Variants in CMTM3 observed in about 807,000 individuals in gnomAD.
CMTM3 encodes CKLF like MARVEL transmembrane domain containing 3.
In CMTM3, 7 loss-of-function variants were observed where a neutral mutation model predicts 18.2. That is an observed-to-expected ratio of 0.38 (90% CI 0.22 to 0.72). CMTM3 has a LOEUF of 0.72. Ranked by LOEUF, CMTM3 falls within the 30% of genes least tolerant of loss-of-function variation. The pLI is 0.46. For synonymous variants in CMTM3, 109 were observed against 111.2 expected (o/e 0.98, Z 0.12); for missense variants, 227 against 249.2 (o/e 0.91, Z 0.60).
intron 4 of CMTM3, among the ~76,000 whole-genome samples, chr16:66,611,490 C>T (rs764652048): frequency 1.3e-5 from 2 of 152,062 alleles, no homozygotes; most frequent in African/African-American, 2.4e-5. Flanking sequence ...CAAAATCTGA[C>T]GAGTGCAGCC....
rs762408436 is a variant in CMTM3, at chr16:66,608,288, C to T, written c.148-21C>T. On this transcript the variant is annotated intron_variant, in intron 1 of 4. Transcript: ENST00000567572. This position sits in a 1 kb window ranked among gnomAD's most constrained non-coding sequence, Gnocchi z 5.1. The stretch of plus-strand genomic sequence containing the variant: ...GGAACATGAAAAGGCTCTGACTTCA[C>T]CTCAAACTCCTTCCCCGCAGGGTCT... The T allele has an allele frequency of 2.4e-5, 38 of 1,613,520 alleles. No individual in the cohort carries two copies. Among genetic ancestry groups the T allele is most frequent in the Non-Finnish European group, 3.1e-5 (37 of 1,179,706 alleles).
Position 66,608,183 on chromosome 16 carries a change from G to A in CMTM3, c.148-126G>A. 1 of 985,156 alleles carries A rather than the reference G, an allele frequency of 1.0e-6. No homozygotes were observed. The highest frequency in any genetic ancestry group is 1.5e-6 in the Non-Finnish European group (1 of 648,352). The allele number at this position is 985,156 out of a possible 1,614,324, so 61.0% of individuals were successfully genotyped here. ...CTGGCTCTGCCACTTCCCAGCTGCG[G>A]GACTGTGAGCAGTTGGCTTCCCCTG... On this transcript the variant is annotated intron_variant, in intron 1 of 4. Transcript: ENST00000567572. The surrounding 1 kb of genome is among the most constrained non-coding windows in gnomAD (Gnocchi z 5.1).
chr16:66,611,911 G>A (rs1344558206), intron 4 of CMTM3, among the ~76,000 whole-genome samples: 1 of 152,120 alleles, frequency 6.6e-6, no homozygotes, highest in African/African-American at 2.4e-5. Context: ...ATTTTAGTTT[G>A]GGGGACAAGA....
intron 4 of CMTM3, among the ~76,000 whole-genome samples, chr16:66,611,502 A>C (rs560457056): frequency 2.6e-5 from 4 of 152,310 alleles, no homozygotes; most frequent in Non-Finnish European, 5.9e-5. Flanking sequence ...AGTGCAGCCC[A>C]GGAACCGGAG....
Position 66,610,045 on chromosome 16 carries a change from G to C in CMTM3, c.520+42G>C. ...ATCACCCCAGCAGTGCTGCAACAGG[G>C]GCCTGCCCTCCCTCGGGGATGCCAG... On this transcript the variant is annotated intron_variant, in intron 4 of 4. Coordinates refer to ENST00000567572, the MANE Select transcript of CMTM3 (RefSeq NM_181553.4). The surrounding 1 kb of genome is among the most constrained non-coding windows in gnomAD (Gnocchi z 4.6). The C allele has an allele frequency of 6.2e-7, 1 of 1,606,360 alleles. No individual in the cohort carries two copies. The highest frequency in any genetic ancestry group is 1.1e-5 in the South Asian group (1 of 90,536).
Position 66,608,370 on chromosome 16 carries a change from C to T in CMTM3, c.209C>T (p.Ala70Val), listed in dbSNP as rs369767529. The T allele has an allele frequency of 1.9e-6, 3 of 1,614,084 alleles. No individual in the cohort carries two copies. The highest frequency in any genetic ancestry group is 2.5e-6 in the Non-Finnish European group (3 of 1,180,042). Reference protein sequence around the residue: ...VASSASAFLTAPLLEFLLALY... With the variant: ...VASSASAFLTVPLLEFLLALY... ...TCCTCAGCATCTGCCTTCCTCACAG[C>T]GCCTCTGCTGGAGTTCCTGCTGGCC... Residue 70 changes from alanine to valine, a missense_variant, in exon 2 of 5, where the codon GCG (alanine) becomes GTG (valine). Transcript: ENST00000567572. The surrounding 1 kb of genome is among the most constrained non-coding windows in gnomAD (Gnocchi z 5.1).
In CMTM3 at chr16:66,604,835, G is replaced by A. The variant is rs965921516; in HGVS notation, c.30G>A (p.Pro10=). The change falls in exon 1 of 5, where the codon CCG becomes CCA. Residue 10 remains proline (P), a synonymous_variant. Transcript: ENST00000567572. ...GGCCCCCAGACCCCGACCCCGACCC[G>A]GACCCCGAGCCTGCCGGCGGCTCCC... MWPPDPDPD[P]DPEPAGGSRP... is the part of the protein sequence containing the mutation. 4.4e-5 allele frequency: 58 copies of A among 1,327,862 alleles called. No individual in the cohort carries two copies. The African/African-American group carries it at 7.3e-4, about 17-fold the overall frequency. 82.3% of individuals were successfully genotyped at this position (1,327,862 alleles called of 1,614,324 possible).
chr16:66,610,174 T>G lies in CMTM3; in HGVS notation c.520+171T>G, dbSNP rs551107993. ...TCATGCAGCACTGATCCAAAGCCAG[T>G]CCCATTCGCCTCGTGCACCCTCACC... On this transcript the variant is annotated intron_variant, in intron 4 of 4. Transcript: ENST00000567572. This position sits in a 1 kb window ranked among gnomAD's most constrained non-coding sequence, Gnocchi z 4.6. 2 of 807,122 alleles carry G rather than the reference T, an allele frequency of 2.5e-6. No homozygotes were observed. Among genetic ancestry groups the G allele is most frequent in the Non-Finnish European group, 3.9e-6 (2 of 518,562 alleles). 50.0% of individuals were successfully genotyped at this position (807,122 alleles called of 1,614,324 possible).
In CMTM3 at chr16:66,612,961, TG is replaced by T. The variant is rs2015438218; in HGVS notation, c.*327del. 1.5e-6 allele frequency: 1 copy of T among 677,582 alleles called. No homozygotes were observed. Among genetic ancestry groups the T allele is most frequent in the Admixed American group, 2.1e-5 (1 of 46,768 alleles). The allele number at this position is 677,582 out of a possible 1,614,324, so 42.0% of individuals were successfully genotyped here. ...GACAAAGCAGAGCCTTGTCTGTATC[TG>T]GGCAGCAGGTGTTCCATGCTGCTAG... On this transcript the variant is annotated 3_prime_UTR_variant, in exon 5 of 5. Coordinates refer to ENST00000567572, the MANE Select transcript of CMTM3 (RefSeq NM_181553.4). This position sits in a 1 kb window ranked among gnomAD's most constrained non-coding sequence, Gnocchi z 6.0.
In CMTM3 at chr16:66,605,163, T is replaced by G; in HGVS notation, c.147+211T>G. 1 of 441,430 alleles carries G rather than the reference T, an allele frequency of 2.3e-6. No individual in the cohort carries two copies. The highest frequency in any genetic ancestry group is 3.9e-6 in the Non-Finnish European group (1 of 254,598). The allele number at this position is 441,430 out of a possible 1,614,324, so 27.3% of individuals were successfully genotyped here. A position where few individuals can be genotyped will look rare whatever the true frequency, so the allele number is the denominator to read the frequency against. On this transcript the variant is annotated intron_variant, in intron 1 of 4. Coordinates refer to ENST00000567572, the MANE Select transcript of CMTM3 (RefSeq NM_181553.4). The surrounding 1 kb of genome is among the most constrained non-coding windows in gnomAD (Gnocchi z 4.6). ...CGGGGCGGGGCCCGAGCCCAGGCCA[T>G]CCGCGGCGCTGTCCCCGCGAGTCCA...
chr16:66,609,326 G>A lies in CMTM3; in HGVS notation c.304-109G>A. 1.1e-6 allele frequency: 1 copy of A among 899,220 alleles called. No individual in the cohort carries two copies. The highest frequency in any genetic ancestry group is 1.6e-5 in the African/African-American group (1 of 61,246). The allele number at this position is 899,220 out of a possible 1,614,324, so 55.7% of individuals were successfully genotyped here. A position where few individuals can be genotyped will look rare whatever the true frequency, so the allele number is the denominator to read the frequency against. The stretch of plus-strand genomic sequence containing the variant: ...TGGGTGGGGCCAGGATGGGATAGGA[G>A]CCCTCAGGTGCTAGGCCTGGGGCTG... On this transcript the variant is annotated intron_variant, in intron 2 of 4. Coordinates refer to ENST00000567572, the MANE Select transcript of CMTM3 (RefSeq NM_181553.4). The surrounding 1 kb of genome is among the most constrained non-coding windows in gnomAD (Gnocchi z 4.4).
chr16:66,609,680 A>T lies in CMTM3; in HGVS notation c.399+150A>T. 1 of 1,538,584 alleles carries T rather than the reference A, an allele frequency of 6.5e-7. No individual in the cohort carries two copies. Reference sequence around the variant, plus strand: ...TGATTCCAAAGTCCTCTCATTAAAGACTGACTCTACCCGGGGTTTTGAAAG... The same window carrying T: ...TGATTCCAAAGTCCTCTCATTAAAGTCTGACTCTACCCGGGGTTTTGAAAG... On this transcript the variant is annotated intron_variant, in intron 3 of 4. Coordinates refer to ENST00000567572, the MANE Select transcript of CMTM3 (RefSeq NM_181553.4). This position sits in a 1 kb window ranked among gnomAD's most constrained non-coding sequence, Gnocchi z 4.4.
intron 4 of CMTM3, chr16:66,611,137 TA>T (rs2015360992): frequency 2.8e-6 from 1 of 356,586 alleles, no homozygotes. Flanking sequence ...GCTGTAAAAT[TA>T]TTCTTGACTT....
intron 1 of CMTM3, among the ~76,000 whole-genome samples, chr16:66,607,934 T>G (rs1401853668): frequency 1.3e-5 from 2 of 151,236 alleles, no homozygotes; most frequent in African/African-American, 4.9e-5. Context: ...AGCCTCGACC[T>G]CCCCGGGCTC....
At chr16:66,607,908 G>C (rs1340436030) in intron 1 of CMTM3, among the ~76,000 whole-genome samples, 1 of 151,704 alleles carries the variant, frequency 6.6e-6, no homozygotes, top group Non-Finnish European at 1.5e-5. Context: ...GCAGTGGCCT[G>C]ATCACAGCTC....
Position 66,609,939 on chromosome 16 carries a change from C to T in CMTM3, c.456C>T (p.Asn152=), listed in dbSNP as rs539526091. 1.4e-4 allele frequency: 226 copies of T among 1,614,158 alleles called. 1 individual carries two copies. In the South Asian group the frequency reaches 2.0e-3, roughly 14 times the overall value. The change falls in exon 4 of 5, where the codon AAC becomes AAT. Residue 152 remains asparagine (N), a synonymous_variant. Transcript: ENST00000567572. This position sits in a 1 kb window ranked among gnomAD's most constrained non-coding sequence, Gnocchi z 4.4. ...VFATDFYLIF[N]DVAKFLKQGD... ...CAACTGATTTCTACCTGATCTTTAACGACGTGGCCAAATTCCTCAAACAAG... is the reference window on the plus strand; with the variant it reads ...CAACTGATTTCTACCTGATCTTTAATGACGTGGCCAAATTCCTCAAACAAG...
chr16:66,606,748 T>A (rs2015170480), intron 1 of CMTM3, among the ~76,000 whole-genome samples: 1 of 152,112 alleles, frequency 6.6e-6, no homozygotes, highest in African/African-American at 2.4e-5. Context: ...ATCCCAACAC[T>A]TTAGGAGGCC....
Position 66,609,853 on chromosome 16 carries a change from T to A in CMTM3, c.400-30T>A, listed in dbSNP as rs1430949546. 6.2e-7 allele frequency: 1 copy of A among 1,614,086 alleles called. No individual in the cohort carries two copies. On this transcript the variant is annotated intron_variant, in intron 3 of 4. Coordinates refer to ENST00000567572, the MANE Select transcript of CMTM3 (RefSeq NM_181553.4). This position sits in a 1 kb window ranked among gnomAD's most constrained non-coding sequence, Gnocchi z 4.4. ...GCCTCCCGGAGCAGGGAGTCAGCCC[T>A]GTGATGCATCCCATCCACCCTGTCC... is the stretch of plus-strand genomic sequence containing the variant.
At chr16:66,606,963 C>T (rs985052242) in intron 1 of CMTM3, among the ~76,000 whole-genome samples, 7 of 152,234 alleles carry the variant, frequency 4.6e-5, no homozygotes, top group Non-Finnish European at 1.0e-4. Flanking sequence ...CACTGCACTC[C>T]AGCCTGGGAG....
Sources: allele counts gnomAD v4.1 joint callset (sites outside exome capture counted in the v4.1 genomes callset), GRCh38; gene constraint gnomAD v4.1.1; non-coding constraint Gnocchi (gnomAD v3.1); transcripts MANE v1.5; gene names NCBI Gene and HGNC (gene_info 2026-07-23, HGNC 2026-07-21).